The following ANO6 variants were observed in gnomAD, a reference collection of about 807,000 sequenced individuals.
ANO6 encodes anoctamin-6.
In ANO6, 106 loss-of-function variants were observed where a neutral mutation model predicts 117.5. That is an observed-to-expected ratio of 0.90 (90% CI 0.77 to 1.06). The LOEUF (loss-of-function observed/expected upper bound fraction) is 1.06. Ranked by LOEUF, ANO6 falls within the 50% of genes least tolerant of loss-of-function variation. The probability of loss-of-function intolerance (pLI) is 0.00; values close to 1 mark genes in which losing one functional copy is unlikely to be tolerated. For missense variants in ANO6, 955 were observed against 1,121.1 expected (o/e 0.85, Z 2.12); for synonymous variants, 367 against 385.1 (o/e 0.95, Z 0.55).
intron 18 of ANO6, 81 bp from the exon 19 acceptor site, chr12:45,422,876 A>T: frequency 1.8e-6 from 2 of 1,088,288 alleles, no homozygotes; most frequent in Non-Finnish European, 2.8e-6. Context: ...ACCCGGCATG[A>T]CCTCTTTTTA....
chr12:45,235,309 A>G (rs1349030813), intron 1 of ANO6, among the ~76,000 whole-genome samples: 5 of 152,164 alleles, frequency 3.3e-5, no homozygotes, highest in African/African-American at 9.7e-5. Flanking sequence ...ATTGTGATGA[A>G]ACTGTTGTAT....
At chr12:45,292,013 T>C (rs1939117652) in intron 1 of ANO6, among the ~76,000 whole-genome samples, 1 of 152,196 alleles carries the variant, frequency 6.6e-6, no homozygotes, top group Admixed American at 6.5e-5. Context: ...TGTATAACAG[T>C]GCTCGTTGCA....
At chr12:45,238,730 A>G (rs1947688518) in intron 1 of ANO6, among the ~76,000 whole-genome samples, 1 of 152,092 alleles carries the variant, frequency 6.6e-6, no homozygotes, top group Non-Finnish European at 1.5e-5. Context: ...TACCTAGTTT[A>G]TTGAGAGTTT....
chr12:45,315,637 C>T (rs1487775128), intron 2 of ANO6, among the ~76,000 whole-genome samples: 1 of 152,092 alleles, frequency 6.6e-6, no homozygotes, highest in Non-Finnish European at 1.5e-5. Flanking sequence ...TCTGTGTTGA[C>T]AACTCCCAAG....
intron 19 of ANO6, among the ~76,000 whole-genome samples, chr12:45,438,093 G>A (rs1943728126): frequency 6.6e-6 from 1 of 152,108 alleles, no homozygotes; most frequent in Admixed American, 6.5e-5. Context: ...GGTCTGCGCT[G>A]GTGCTTCCGC....
intron 18 of ANO6, among the ~76,000 whole-genome samples, chr12:45,422,612 T>G (rs1943393621): frequency 6.6e-6 from 1 of 151,856 alleles, no homozygotes; most frequent in Non-Finnish European, 1.5e-5. Context: ...TCCTGCTCTG[T>G]TGCCCAGACA....
chr12:45,312,142 A>G (rs1337093943), intron 2 of ANO6, among the ~76,000 whole-genome samples: 1 of 152,076 alleles, frequency 6.6e-6, no homozygotes, highest in Non-Finnish European at 1.5e-5. Flanking sequence ...TAATTTGACA[A>G]AAACATGGGT....
intron 1 of ANO6, among the ~76,000 whole-genome samples, chr12:45,292,022 C>A (rs1387865645): frequency 1.1e-4 from 16 of 152,172 alleles, no homozygotes; most frequent in Non-Finnish European, 1.5e-5. Context: ...GTGCTCGTTG[C>A]AGCATTATTC....
chr12:45,361,897 T>C (rs11183002), intron 8 of ANO6, among the ~76,000 whole-genome samples: 8,497 of 152,202 alleles, frequency 0.056, 480 homozygotes, highest in East Asian at 0.32. Flanking sequence ...TTTGGTTTTC[T>C]AGTATTTTAT....
At chr12:45,283,957 T>G (rs2137261053) in intron 1 of ANO6, among the ~76,000 whole-genome samples, 1 of 152,336 alleles carries the variant, frequency 6.6e-6, no homozygotes, top group South Asian at 2.1e-4. Context: ...AACTTCCCCT[T>G]TGCTTTCTGA....
At chr12:45,428,962 A>C in intron 19 of ANO6, 143 bp from the exon 20 acceptor site, 2 of 907,938 alleles carry the variant, frequency 2.2e-6, no homozygotes, top group Non-Finnish European at 3.4e-6. Context: ...GATTAGACAC[A>C]ATGGCATTAG....
chr12:45,351,006 C>T (rs1033963898), intron 7 of ANO6, among the ~76,000 whole-genome samples: 3 of 152,224 alleles, frequency 2.0e-5, no homozygotes, highest in Non-Finnish European at 4.4e-5. Context: ...TAATATGTGG[C>T]TCAAAGCTCC....
chr12:45,292,783 C>T, intron 1 of ANO6: 1 of 1,469,730 alleles, frequency 6.8e-7, no homozygotes, highest in Non-Finnish European at 9.1e-7. Flanking sequence ...ATTGTGCTTA[C>T]TGAAACTCTT....
downstream of ANO6, among the ~76,000 whole-genome samples, chr12:45,436,150 G>C (rs1943705014): frequency 6.6e-6 from 1 of 152,084 alleles, no homozygotes; most frequent in Admixed American, 6.6e-5. Context: ...GTTCCTGCTT[G>C]TACCCTAGGA....
chr12:45,313,871 C>T (rs1939928247), intron 2 of ANO6, among the ~76,000 whole-genome samples: 1 of 152,052 alleles, frequency 6.6e-6, no homozygotes, highest in East Asian at 1.9e-4. Context: ...GAGTAAGCGA[C>T]TATTAGCTTC....
intron 19 of ANO6, among the ~76,000 whole-genome samples, chr12:45,437,555 G>A (rs116283773): frequency 6.6e-6 from 1 of 151,372 alleles, no homozygotes; most frequent in Non-Finnish European, 1.5e-5. Context: ...TACAAACAAA[G>A]GTTTTTGTGG....
intron 10 of ANO6, among the ~76,000 whole-genome samples, chr12:45,384,350 G>C (rs965402891): frequency 6.6e-6 from 1 of 152,218 alleles, no homozygotes. Flanking sequence ...GTTCACTGGA[G>C]TAGTACTTTT....
intron 3 of ANO6, among the ~76,000 whole-genome samples, chr12:45,335,193 G>A (rs1034820528): frequency 2.0e-5 from 3 of 151,978 alleles, no homozygotes; most frequent in African/African-American, 7.2e-5. Context: ...ATGGCAAAAG[G>A]ATCTGGCCAG....
At chr12:45,288,211 C>T (rs928879889) in intron 1 of ANO6, among the ~76,000 whole-genome samples, 7 of 152,162 alleles carry the variant, frequency 4.6e-5, no homozygotes, top group African/African-American at 1.7e-4. Context: ...TAAAGCTACA[C>T]TTTTTTGTGT....
Sources: gnomAD v4.1 joint callset for allele counts (sites outside exome capture counted in the v4.1 genomes callset) on GRCh38, gnomAD v4.1.1 for gene constraint, MANE v1.5 for transcripts, NCBI Gene and HGNC (gene_info 2026-07-23, HGNC 2026-07-21) for gene names.